The following PDLIM1 variants were observed in gnomAD, a reference collection of about 807,000 sequenced individuals.
PDLIM1 encodes PDZ and LIM domain 1.
A neutral mutation model predicts 35.2 loss-of-function variants in PDLIM1; 25 were observed. The ratio of observed to expected loss-of-function variants is 0.71; its 90% confidence interval spans 0.52 to 0.99. PDLIM1 has a LOEUF of 0.99. PDLIM1 is among the 50% of genes least tolerant of loss of function. The probability of loss-of-function intolerance (pLI) is 0.00; values close to 1 mark genes in which losing one functional copy is unlikely to be tolerated. For missense variants in PDLIM1, 363 were observed against 415.3 expected, an observed-to-expected ratio of 0.87 and a Z score of 1.09; for synonymous variants, 152 against 154.0, an observed-to-expected ratio of 0.99 and a Z score of 0.10.
rs1286514520 is a variant in PDLIM1 at position 95,238,596 on chromosome 10, T to C, written c.775A>G (p.Met259Val). The change falls in exon 6 of 7, where the codon ATG becomes GTG. Residue 259 changes from methionine (M) to valine (V), a missense_variant. By Grantham distance (21) the Met-to-Val change is conservative. Coordinates refer to ENST00000329399, the MANE Select transcript of PDLIM1 (RefSeq NM_020992.4). The part of the protein sequence containing the change: ...ASIGNAQKLP[M>V]CDKCGTGIVG... ...ATCCCAGTGCCACATTTGTCACACATAGGCAACTTCTGAGCATTTCCAATC... is the reference window on the plus strand; with the variant it reads ...ATCCCAGTGCCACATTTGTCACACACAGGCAACTTCTGAGCATTTCCAATC... 8.7e-6 allele frequency: 14 copies of C among 1,612,772 alleles called. No individual in the cohort carries two copies. The highest frequency in any genetic ancestry group is 6.6e-5 in the South Asian group (6 of 91,058).
rs2035642406 is a variant in PDLIM1 at position 95,290,386 on chromosome 10, A to C, written c.96+434T>G. ...TCCCACTTGCCCCCCACCCCAGTAA[A>C]CTTCCCACCCACCCCACCTCACTTT... On this transcript the variant is annotated intron_variant, in intron 1 of 6. Coordinates refer to ENST00000329399, the MANE Select transcript of PDLIM1 (RefSeq NM_020992.4). The surrounding 1 kb of genome is among the most constrained non-coding windows in gnomAD (Gnocchi z 4.7). 6.6e-6 allele frequency among the ~76,000 whole-genome samples: 1 copy of C among 151,194 alleles called. No individual in the cohort carries two copies. The highest frequency in any genetic ancestry group is 1.5e-5 in the Non-Finnish European group (1 of 67,728).
intron 1 of PDLIM1, among the ~76,000 whole-genome samples, chr10:95,276,222 G>T (rs1252540768): frequency 2.0e-5 from 3 of 152,084 alleles, no homozygotes; most frequent in African/African-American, 7.2e-5. Context: ...AACTTGAAAG[G>T]CTCTCTCATT....
At chr10:95,277,870 G>C (rs1448134528) in intron 1 of PDLIM1, among the ~76,000 whole-genome samples, 1 of 152,186 alleles carries the variant, frequency 6.6e-6, no homozygotes, top group Non-Finnish European at 1.5e-5. Flanking sequence ...ACATAAGAAG[G>C]TGTTTGAAGT....
intron 5 of PDLIM1, among the ~76,000 whole-genome samples, chr10:95,245,016 G>GCGGGTACA (rs1423355737): frequency 6.6e-6 from 1 of 152,246 alleles, no homozygotes; most frequent in African/African-American, 2.4e-5. Flanking sequence ...AAGATTTAAT[G>GCGGGTACA]CGGGTACACA....
intron 5 of PDLIM1, among the ~76,000 whole-genome samples, chr10:95,246,290 C>T (rs368327273): frequency 6.6e-6 from 1 of 152,210 alleles, no homozygotes; most frequent in African/African-American, 2.4e-5. Flanking sequence ...GGGAATAAAG[C>T]ATCCCTTCTT....
At chr10:95,278,480 T>C (rs2133438795) in intron 1 of PDLIM1, among the ~76,000 whole-genome samples, 2 of 152,180 alleles carry the variant, frequency 1.3e-5, no homozygotes, top group South Asian at 2.1e-4. Flanking sequence ...CAACAGCTGA[T>C]GAGTGTTGTG....
intron 1 of PDLIM1, among the ~76,000 whole-genome samples, chr10:95,281,371 G>A (rs1438622948): frequency 6.6e-6 from 1 of 152,146 alleles, no homozygotes; most frequent in Non-Finnish European, 1.5e-5. Flanking sequence ...TTAAGCCCAG[G>A]ATCTTGAAAC....
At chr10:95,281,225 C>G (rs1251530608) in intron 1 of PDLIM1, among the ~76,000 whole-genome samples, 1 of 151,994 alleles carries the variant, frequency 6.6e-6, no homozygotes, top group Non-Finnish European at 1.5e-5. Flanking sequence ...ATACAAAGCC[C>G]TTGAAAGGAA....
intron 1 of PDLIM1, among the ~76,000 whole-genome samples, chr10:95,283,981 CTGTG>C (rs3979535): frequency 0.034 from 5,141 of 150,210 alleles, 413 homozygotes; most frequent in East Asian, 0.33. Flanking sequence ...GCCTTTTTCT[CTGTG>C]TGTGTGTGTG....
intron 3 of PDLIM1, among the ~76,000 whole-genome samples, chr10:95,268,370 A>G (rs753591421): frequency 1.3e-5 from 2 of 152,196 alleles, no homozygotes; most frequent in Admixed American, 6.5e-5. Context: ...TTCCTATTAC[A>G]TATTCCCCGA....
rs45578338 is a variant in PDLIM1 at position 95,240,920 on chromosome 10, A to T, written c.686-2235T>A. On this transcript the variant is annotated intron_variant, in intron 5 of 6. Transcript: ENST00000329399. ...ATTAATAATGGTAAAAATCACCTGG[A>T]GGCCTTGTTAACACACAGATTGCTG... Among the ~76,000 whole-genome samples, 611 of 148,324 alleles carry T rather than the reference A, an allele frequency of 4.1e-3. 7 individuals carry two copies. Among genetic ancestry groups the T allele is most frequent in the African/African-American group, 0.014 (585 of 41,324 alleles).
chr10:95,254,698 C>T (rs1175806159), intron 4 of PDLIM1, among the ~76,000 whole-genome samples: 1 of 152,098 alleles, frequency 6.6e-6, no homozygotes, highest in Admixed American at 6.6e-5. Context: ...AGGAGGATTG[C>T]TTGAGCTCAG....
intron 1 of PDLIM1, among the ~76,000 whole-genome samples, chr10:95,289,095 CT>C (rs1430029653): frequency 6.6e-6 from 1 of 152,210 alleles, no homozygotes; most frequent in Non-Finnish European, 1.5e-5. Context: ...AGTAACTGCC[CT>C]TTTAACAGAT....
At chr10:95,285,974 A>T (rs2035598785) in intron 1 of PDLIM1, among the ~76,000 whole-genome samples, 1 of 152,250 alleles carries the variant, frequency 6.6e-6, no homozygotes, top group Admixed American at 6.5e-5. Flanking sequence ...ACAGAAGACA[A>T]ATACATCTGA....
chr10:95,288,324 C>T (rs935694606), intron 1 of PDLIM1, among the ~76,000 whole-genome samples: 1 of 152,180 alleles, frequency 6.6e-6, no homozygotes, highest in Admixed American at 6.5e-5. Flanking sequence ...AAAGGCACTC[C>T]TCTCCCAGCC....
intron 3 of PDLIM1, among the ~76,000 whole-genome samples, chr10:95,266,777 C>T (rs778431099): frequency 2.6e-5 from 4 of 152,184 alleles, no homozygotes. Flanking sequence ...CTGGTTTGTA[C>T]ATAAAAGGAA....
At chr10:95,247,127 C>A in intron 5 of PDLIM1, 88 bp downstream of exon 5, 1 of 1,179,444 alleles carries the variant, frequency 8.5e-7, no homozygotes, top group Non-Finnish European at 1.2e-6. Flanking sequence ...AAGCAGGCTC[C>A]AGAGTGTGTT....
chr10:95,248,393 T>C (rs1257925306), intron 4 of PDLIM1, among the ~76,000 whole-genome samples: 1 of 152,088 alleles, frequency 6.6e-6, no homozygotes, highest in Non-Finnish European at 1.5e-5. Context: ...GGACTACAGG[T>C]GTGCCACCAT....
intron 4 of PDLIM1, among the ~76,000 whole-genome samples, chr10:95,249,125 G>C (rs1337167398): frequency 2.0e-5 from 3 of 152,234 alleles, no homozygotes; most frequent in Non-Finnish European, 4.4e-5. Context: ...CCTGGCACAG[G>C]TCACAGTTCA....
Sources: allele counts gnomAD v4.1 joint callset (sites outside exome capture counted in the v4.1 genomes callset), GRCh38; gene constraint gnomAD v4.1.1; non-coding constraint Gnocchi (gnomAD v3.1); transcripts MANE v1.5; gene names NCBI Gene and HGNC (gene_info 2026-07-23, HGNC 2026-07-21).